Variants in PHLPP2 observed in about 807,000 individuals in gnomAD.
PHLPP2 encodes the protein PH domain leucine-rich repeat-containing protein phosphatase 2.
In PHLPP2, 66 loss-of-function variants were observed where a neutral mutation model predicts 124.9. The observed-to-expected ratio is 0.53, with a 90% CI of 0.43 to 0.65. PHLPP2 has a LOEUF of 0.65. Among genes scored for constraint, PHLPP2 ranks in the 30% least tolerant of loss-of-function variants. The pLI is 0.00. For synonymous variants in PHLPP2, 681 were observed against 624.7 expected (o/e 1.09, Z -1.34); for missense variants, 1,685 against 1,600.4 (o/e 1.05, Z -0.90).
intron 2 of PHLPP2, among the ~76,000 whole-genome samples, chr16:71,711,871 G>T (rs552922105): frequency 6.6e-6 from 1 of 152,178 alleles, no homozygotes. Flanking sequence ...CTGAGTAACA[G>T]ATCTAAAAAC....
intron 1 of PHLPP2, among the ~76,000 whole-genome samples, chr16:71,719,850 T>G (rs564484452): frequency 6.6e-6 from 1 of 152,030 alleles, no homozygotes; most frequent in African/African-American, 2.4e-5. Flanking sequence ...CAGGCTGGAG[T>G]GCCGTGGCAC....
At chr16:71,703,289 G>A (rs763145930) in intron 2 of PHLPP2, among the ~76,000 whole-genome samples, 26 of 152,154 alleles carry the variant, frequency 1.7e-4, no homozygotes, top group Non-Finnish European at 3.5e-4. Context: ...AAGAGCTTTT[G>A]TTTACATGTG....
chr16:71,701,597 G>T (rs1195968229), intron 3 of PHLPP2, among the ~76,000 whole-genome samples: 2 of 152,102 alleles, frequency 1.3e-5, no homozygotes, highest in Non-Finnish European at 2.9e-5. Context: ...GATGGTGGTA[G>T]GAAAAGTAGG....
intron 1 of PHLPP2, 74 bp from the exon 2 acceptor site, chr16:71,714,875 C>G: frequency 6.6e-7 from 1 of 1,513,146 alleles, no homozygotes; most frequent in Non-Finnish European, 8.8e-7. Context: ...CCTCACCCCA[C>G]CTCTCTCTAC....
rs1424010329 is a variant in PHLPP2, at chr16:71,652,801, T to C, written c.2806A>G (p.Ile936Val). Residue 936 changes from isoleucine (I) to valine (V), a missense_variant, in exon 18 of 19, where the codon ATC becomes GTC. Ile to Val is a conservative substitution (Grantham distance 29, BLOSUM62 3). Transcript: ENST00000568954. ...EAQRVKDQKA[I>V]ITEDNKVNGV... ...GGAGCGGAACACACCTCTGTGATGA[T>C]GGCTTTTTGGTCCTTCACCCTTTGA... 2.5e-6 allele frequency: 4 copies of C among 1,613,056 alleles called. No homozygotes were observed. Among genetic ancestry groups the C allele is most frequent in the South Asian group, 2.2e-5 (2 of 91,066 alleles).
intron 6 of PHLPP2, among the ~76,000 whole-genome samples, chr16:71,680,457 C>G (rs1380234636): frequency 6.6e-6 from 1 of 152,182 alleles, no homozygotes; most frequent in Non-Finnish European, 1.5e-5. Flanking sequence ...GTAAAAGTAT[C>G]TATATTGTCT....
intron 3 of PHLPP2, among the ~76,000 whole-genome samples, chr16:71,691,324 G>A (rs755394654): frequency 7.2e-5 from 11 of 152,046 alleles, no homozygotes; most frequent in Non-Finnish European, 1.3e-4. Flanking sequence ...AGCCGGGCAT[G>A]GTGGCGGACA....
intron 12 of PHLPP2, among the ~76,000 whole-genome samples, chr16:71,666,780 A>G (rs1281022410): frequency 2.0e-5 from 3 of 152,262 alleles, no homozygotes; most frequent in Non-Finnish European, 4.4e-5. Context: ...AGCTAGGAGC[A>G]AAAACCAAAT....
chr16:71,674,475 C>T (rs544040440), intron 9 of PHLPP2, among the ~76,000 whole-genome samples: 1 of 150,998 alleles, frequency 6.6e-6, no homozygotes, highest in Non-Finnish European at 1.5e-5. Context: ...TGTATTCTTT[C>T]ATAGTTATGG....
chr16:71,690,040 G>A (rs1175795569), intron 4 of PHLPP2, among the ~76,000 whole-genome samples: 2 of 152,120 alleles, frequency 1.3e-5, no homozygotes, highest in Admixed American at 6.5e-5. Flanking sequence ...CATTCATTCT[G>A]TTTGACTAAC....
At position 71,653,529 on chromosome 16, in the gene PHLPP2, C is replaced by T. The variant is rs796559666; in HGVS notation, c.2586-508G>A. 1.6e-4 allele frequency among the ~76,000 whole-genome samples: 25 copies of T among 152,296 alleles called. 1 individual carries two copies. Among genetic ancestry groups the T allele is most frequent in the African/African-American group, 6.0e-4 (25 of 41,554 alleles). ...CTCGAGGGAAGGACCATGATTCTTG[C>T]ATTTCCCCCATATGCAGGGCATCCA... On this transcript the variant is annotated intron_variant, in intron 17 of 18. Coordinates refer to ENST00000568954, the MANE Select transcript of PHLPP2 (RefSeq NM_015020.3).
In PHLPP2 at chr16:71,645,937, C is replaced by T. The variant is rs2044650270; in HGVS notation, c.*2953G>A. The stretch of plus-strand genomic sequence containing the variant: ...AAGACACATGTATTTTTCTTTCTTC[C>T]ATGGACTCCTAAACTGCTCCCACAA... On this transcript the variant is annotated 3_prime_UTR_variant, in exon 19 of 19. Coordinates refer to ENST00000568954, the MANE Select transcript of PHLPP2 (RefSeq NM_015020.3). The T allele has an allele frequency of 6.6e-6, 1 of 152,422 alleles. No homozygotes were observed. The highest frequency in any genetic ancestry group is 6.6e-5 in the Admixed American group (1 of 15,264). The allele number at this position is 152,422 out of a possible 1,614,324, so 9.4% of individuals were successfully genotyped here. A position where few individuals can be genotyped will look rare whatever the true frequency, so the allele number is the denominator to read the frequency against.
At chr16:71,680,424 G>C (rs1185803558) in intron 6 of PHLPP2, among the ~76,000 whole-genome samples, 2 of 152,128 alleles carry the variant, frequency 1.3e-5, no homozygotes, top group Non-Finnish European at 2.9e-5. Context: ...ATAATTTTTA[G>C]TGCTTCTATT....
intron 4 of PHLPP2, among the ~76,000 whole-genome samples, chr16:71,688,370 G>C (rs2045073613): frequency 6.6e-6 from 1 of 152,116 alleles, no homozygotes; most frequent in South Asian, 2.1e-4. Flanking sequence ...AACCACTTAA[G>C]TTTTAAATTT....
intron 10 of PHLPP2, among the ~76,000 whole-genome samples, chr16:71,670,291 T>A (rs889625861): frequency 5.3e-5 from 8 of 151,992 alleles, no homozygotes; most frequent in African/African-American, 1.9e-4. Context: ...TCACGTCCAA[T>A]GAAGTATAGC....
chr16:71,681,409 C>A (rs1465084556), intron 6 of PHLPP2, among the ~76,000 whole-genome samples: 1 of 152,154 alleles, frequency 6.6e-6, no homozygotes, highest in Non-Finnish European at 1.5e-5. Flanking sequence ...TATAATTAGG[C>A]CTATCTCCTT....
chr16:71,678,504 G>C, intron 8 of PHLPP2: 1 of 406,138 alleles, frequency 2.5e-6, no homozygotes, highest in Non-Finnish European at 4.4e-6. Context: ...GCCAGGCCTC[G>C]TGGTGCGCAC....
chr16:71,668,415 CAAAAAAAAA>C (rs34860764), intron 11 of PHLPP2, among the ~76,000 whole-genome samples: 402 of 26,958 alleles, frequency 0.015, 3 homozygotes, highest in Non-Finnish European at 0.019. Flanking sequence ...GACTCTGTCT[CAAAAAAAAA>C]AAAAAAAAAA....
rs2044758671 is a variant in PHLPP2 at position 71,658,318 on chromosome 16, C to G, written c.2194G>C (p.Glu732Gln). The G allele has an allele frequency of 1.2e-6, 2 of 1,613,780 alleles. No individual in the cohort carries two copies. The highest frequency in any genetic ancestry group is 1.1e-5 in the South Asian group (1 of 91,052). The change falls in exon 15 of 19, where the codon GAG (glutamate) becomes CAG (glutamine). Residue 732 changes from glutamate to glutamine, a missense_variant. Physicochemically the swap from Glu to Gln is conservative, Grantham distance 29. Transcript: ENST00000568954. ...TCTTGTAATGTAGCAGGCAAAGCCT[C>G]TGGAATCAGGATTTCTGTCAAGTCG... ...CNDLTEILIP[E>Q]ALPATLQDLD...
Sources: allele counts gnomAD v4.1 joint callset (sites outside exome capture counted in the v4.1 genomes callset), GRCh38; gene constraint gnomAD v4.1.1; transcripts MANE v1.5; gene names NCBI Gene and HGNC (gene_info 2026-07-23, HGNC 2026-07-21).